Variants in HIGD1C observed in about 807,000 individuals in gnomAD.
HIGD1C encodes HIG1 domain family member 1C.
In HIGD1C, 11 loss-of-function variants were observed where a neutral mutation model predicts 13.1. The observed-to-expected ratio is 0.84, with a 90% CI of 0.53 to 1.39. The LOEUF (loss-of-function observed/expected upper bound fraction) is 1.39. Among genes scored for constraint, HIGD1C ranks in the 40% most tolerant of loss-of-function variants. HIGD1C has a pLI of 0.00. For missense variants in HIGD1C, 110 were observed against 112.0 expected (o/e 0.98, Z 0.08); for synonymous variants, 36 against 37.7 (o/e 0.95, Z 0.17).
At chr12:50,951,810 T>C (rs563033383), upstream of HIGD1C, among the ~76,000 whole-genome samples, 20 of 151,238 alleles carry the variant, frequency 1.3e-4, no homozygotes, top group South Asian at 1.2e-3. Flanking sequence ...TAGTCCTAGC[T>C]ACTCGGGAGG....
chr12:50,936,517 C>A, the HIGD1C span, among the ~76,000 whole-genome samples: 2 of 152,220 alleles, frequency 1.3e-5, no homozygotes, highest in African/African-American at 4.8e-5. Context: ...TATTTCTTGT[C>A]CAAGGCCATG....
the HIGD1C span, among the ~76,000 whole-genome samples, chr12:50,939,250 C>A: frequency 0.13 from 19,536 of 152,232 alleles, 1,734 homozygotes; most frequent in East Asian, 0.42. Flanking sequence ...CAAGTTGAAG[C>A]AATTCTCCTG....
At chr12:50,957,450 C>T (rs1939141255) in intron 1 of HIGD1C, among the ~76,000 whole-genome samples, 1 of 151,788 alleles carries the variant, frequency 6.6e-6, no homozygotes, top group Admixed American at 6.6e-5. Flanking sequence ...CCATCAGTCT[C>T]AGCCTCCCAA....
chr12:50,949,750 T>C, upstream of HIGD1C, among the ~76,000 whole-genome samples: 1 of 151,988 alleles, frequency 6.6e-6, no homozygotes, highest in East Asian at 1.9e-4. Flanking sequence ...ATCAGGCTGG[T>C]CTCAAACTCC....
intron 1 of HIGD1C, 49 bp downstream of exon 3, chr12:50,954,141 T>C: frequency 9.0e-7 from 1 of 1,107,264 alleles, no homozygotes; most frequent in Middle Eastern, 2.0e-4. Flanking sequence ...AACACAATGA[T>C]GCCTTACCCA....
chr12:50,960,899 C>T, intron 1 of HIGD1C, 69 bp from the exon 4 acceptor site: 1 of 1,366,188 alleles, frequency 7.3e-7, no homozygotes, highest in South Asian at 1.6e-5. Flanking sequence ...AGGCTGTTTT[C>T]AAACTCCTGG....
chr12:50,943,034 T>G, the HIGD1C span, among the ~76,000 whole-genome samples: 2 of 151,252 alleles, frequency 1.3e-5, no homozygotes, highest in East Asian at 2.0e-4. Context: ...CCCAGCTAAT[T>G]TTTGTATTTT....
At chr12:50,946,329 C>T in the HIGD1C span, among the ~76,000 whole-genome samples, 2 of 152,188 alleles carry the variant, frequency 1.3e-5, no homozygotes, top group African/African-American at 4.8e-5. Context: ...GCAATCTACT[C>T]ATCTGACAAA....
chr12:50,933,786 G>A, the HIGD1C span, among the ~76,000 whole-genome samples: 1 of 152,224 alleles, frequency 6.6e-6, no homozygotes, highest in Non-Finnish European at 1.5e-5. Context: ...ACCACAGGGG[G>A]AACCTAAGCT....
the HIGD1C span, among the ~76,000 whole-genome samples, chr12:50,941,452 T>A: frequency 2.0e-5 from 3 of 152,148 alleles, no homozygotes; most frequent in South Asian, 6.2e-4. Flanking sequence ...TTGCACAACA[T>A]TTGGATGGCA....
At chr12:50,933,985 C>T in the HIGD1C span, among the ~76,000 whole-genome samples, 1 of 152,202 alleles carries the variant, frequency 6.6e-6, no homozygotes, top group South Asian at 2.1e-4. Flanking sequence ...CCTGACCAAG[C>T]CCCCAGCTCT....
At chr12:50,950,460 T>C (rs1471982866), upstream of HIGD1C, among the ~76,000 whole-genome samples, 1 of 152,064 alleles carries the variant, frequency 6.6e-6, no homozygotes, top group Non-Finnish European at 1.5e-5. Context: ...AAAGATTAAA[T>C]AGAGAAGAAA....
chr12:50,935,899 T>C, the HIGD1C span, among the ~76,000 whole-genome samples: 1 of 152,326 alleles, frequency 6.6e-6, no homozygotes, highest in East Asian at 1.9e-4. Flanking sequence ...GGCTCGTGCC[T>C]GTAATCCCTG....
At chr12:50,970,647 T>C (rs1283053733), downstream of HIGD1C, 1 of 608,368 alleles carries the variant, frequency 1.6e-6, no homozygotes, top group Non-Finnish European at 2.9e-6. Flanking sequence ...TCTCAGTGTT[T>C]TAAGAAGTTG....
chr12:50,946,646 G>C, the HIGD1C span, among the ~76,000 whole-genome samples: 97 of 152,264 alleles, frequency 6.4e-4, no homozygotes, highest in African/African-American at 2.3e-3. Context: ...CTGTAAACTA[G>C]TTCAACCATT....
At chr12:50,952,664 T>A (rs1378147342), upstream of HIGD1C, among the ~76,000 whole-genome samples, 2 of 152,070 alleles carry the variant, frequency 1.3e-5, no homozygotes, top group Non-Finnish European at 2.9e-5. Flanking sequence ...CCTGGGCGCG[T>A]GTGCAGCTCG....
At chr12:50,937,678 TGAA>T in the HIGD1C span, among the ~76,000 whole-genome samples, 6 of 151,938 alleles carry the variant, frequency 3.9e-5, no homozygotes, top group South Asian at 1.0e-3. Flanking sequence ...CACTGGAGGG[TGAA>T]GAAGGCAGAA....
chr12:50,969,656 G>A (rs1242795208), intron 2 of HIGD1C, among the ~76,000 whole-genome samples: 1 of 149,622 alleles, frequency 6.7e-6, no homozygotes, highest in East Asian at 2.0e-4. Flanking sequence ...CTGAGATCAC[G>A]CCATTGTACC....
Position 50,970,444 on chromosome 12 carries a change from G to A in HIGD1C, c.232G>A (p.Val78Ile), listed in dbSNP as rs192023981. 2.1e-5 allele frequency: 30 copies of A among 1,463,006 alleles called. No homozygotes were observed. In the East Asian group the frequency reaches 6.7e-4, roughly 33 times the overall value. The allele number at this position is 1,463,006 out of a possible 1,614,324, so 90.6% of individuals were successfully genotyped here. A position where few individuals can be genotyped will look rare whatever the true frequency, so the allele number is the denominator to read the frequency against. The change falls in exon 3 of 3, where the codon GTT (valine) becomes ATT (isoleucine). Residue 78 changes from valine to isoleucine, a missense_variant and splice_region_variant. Coordinates refer to ENST00000398455, the Ensembl canonical transcript of HIGD1C. ...GATATACATCCTTCTTTTTCTAGGT[G>A]TTCTCTATTCTATGTATAAGGATTA...
Sources: gnomAD v4.1 joint callset for allele counts (sites outside exome capture counted in the v4.1 genomes callset) on GRCh38, gnomAD v4.1.1 for gene constraint, MANE v1.5 for transcripts, NCBI Gene and HGNC (gene_info 2026-07-23, HGNC 2026-07-21) for gene names.